The following RUBCN variants were observed in gnomAD, a reference collection of about 807,000 sequenced individuals.
RUBCN encodes run domain Beclin-1-interacting and cysteine-rich domain-containing protein.
A neutral mutation model predicts 113.2 loss-of-function variants in RUBCN; 74 were observed. The observed-to-expected ratio is 0.65, with a 90% CI of 0.54 to 0.79. The LOEUF (loss-of-function observed/expected upper bound fraction) is 0.79. RUBCN is among the 30% of genes least tolerant of loss of function. The pLI is 0.00. For synonymous variants in RUBCN, 480 were observed against 490.0 expected, an observed-to-expected ratio of 0.98 and a Z score of 0.27; for missense variants, 1,109 against 1,251.7, an observed-to-expected ratio of 0.89 and a Z score of 1.72.
chr3:197,731,462 T>C (rs1047210883), intron 1 of RUBCN, among the ~76,000 whole-genome samples: 23 of 152,364 alleles, frequency 1.5e-4, no homozygotes, highest in African/African-American at 3.8e-4. Context: ...GTTTCTATTC[T>C]ACAAAACCGC....
intron 2 of RUBCN, among the ~76,000 whole-genome samples, chr3:197,713,940 G>A (rs1420273320): frequency 6.6e-6 from 1 of 151,982 alleles, no homozygotes; most frequent in Non-Finnish European, 1.5e-5. Context: ...AGCCGGGCGT[G>A]GTGGCGGGCG....
intron 1 of RUBCN, among the ~76,000 whole-genome samples, chr3:197,742,670 A>C (rs1245104101): frequency 2.6e-5 from 4 of 152,298 alleles, no homozygotes; most frequent in Admixed American, 1.3e-4. Flanking sequence ...GCTGTGCTTT[A>C]GTTAGTCTCC....
chr3:197,703,514 A>G, intron 5 of RUBCN, 34 bp downstream of exon 5: 1 of 1,415,100 alleles, frequency 7.1e-7, no homozygotes, highest in Non-Finnish European at 9.9e-7. Flanking sequence ...CCAGGGACCC[A>G]GCATAGACGT....
At chr3:197,735,681 T>G (rs2109013266) in intron 1 of RUBCN, among the ~76,000 whole-genome samples, 1 of 152,176 alleles carries the variant, frequency 6.6e-6, no homozygotes, top group East Asian at 1.9e-4. Context: ...AGCCTCGACT[T>G]ATTGGACTCA....
In RUBCN at chr3:197,670,134, G is replaced by A. The variant is rs911148743; in HGVS notation, c.*4884C>T. Reference sequence around the variant, plus strand: ...AATCTCTTGACCTCGTGATCCGCCCGCCTCGGCCTCCCAAAGTGCTGGGAT... The same window carrying A: ...AATCTCTTGACCTCGTGATCCGCCCACCTCGGCCTCCCAAAGTGCTGGGAT... On this transcript the variant is annotated 3_prime_UTR_variant, in exon 20 of 20. Coordinates refer to ENST00000296343, the MANE Select transcript of RUBCN (RefSeq NM_014687.4). 2.0e-5 allele frequency among the ~76,000 whole-genome samples: 3 copies of A among 152,130 alleles called. No individual in the cohort carries two copies. The highest frequency in any genetic ancestry group is 2.4e-5 in the African/African-American group (1 of 41,424).
intron 18 of RUBCN, chr3:197,676,322 G>A (rs1720411735): frequency 2.0e-6 from 2 of 1,001,264 alleles, no homozygotes; most frequent in South Asian, 4.3e-5. Flanking sequence ...CTCACATCAT[G>A]ACAACTGCCT....
At chr3:197,702,318 C>T (rs1414768397) in intron 5 of RUBCN, among the ~76,000 whole-genome samples, 1 of 152,230 alleles carries the variant, frequency 6.6e-6, no homozygotes, top group Non-Finnish European at 1.5e-5. Flanking sequence ...ATACATAGCA[C>T]CGTGCCTGGC....
intron 14 of RUBCN, 62 bp downstream of exon 14, chr3:197,682,408 A>G: frequency 1.7e-5 from 27 of 1,603,548 alleles, no homozygotes; most frequent in Non-Finnish European, 2.3e-5. Context: ...GTGAGACGAA[A>G]ACCCTGACAA....
chr3:197,722,998 T>C (rs1206947490), intron 1 of RUBCN, among the ~76,000 whole-genome samples: 1 of 152,124 alleles, frequency 6.6e-6, no homozygotes, highest in East Asian at 1.9e-4. Flanking sequence ...TTACTTGTTT[T>C]CTAGTTTTTT....
intron 2 of RUBCN, among the ~76,000 whole-genome samples, chr3:197,708,999 C>T (rs1408563016): frequency 6.6e-6 from 1 of 152,096 alleles, no homozygotes; most frequent in African/African-American, 2.4e-5. Context: ...GAAATTGAAA[C>T]TGGAAATTCT....
Position 197,705,164 on chromosome 3 carries a change from G to A in RUBCN, c.231C>T (p.Arg77=), listed in dbSNP as rs757562260. 12 of 1,614,060 alleles carry A rather than the reference G, an allele frequency of 7.4e-6. No homozygotes were observed. In the South Asian group the frequency reaches 1.2e-4, roughly 16 times the overall value. ...HGLIRDQACR[R]QTDYWQFVKD... is the part of the protein sequence containing the mutation. ...TCACGAACTGCCAGTAATCCGTCTGGCGGCGGCACGCCTGCAAAGGGAACA... is the reference window on the plus strand; with the variant it reads ...TCACGAACTGCCAGTAATCCGTCTGACGGCGGCACGCCTGCAAAGGGAACA... The change falls in exon 3 of 20, where the codon CGC becomes CGT. Residue 77 remains arginine (R), a synonymous_variant. Coordinates refer to ENST00000296343, the MANE Select transcript of RUBCN (RefSeq NM_014687.4).
At chr3:197,720,671 T>C (rs1292780219) in intron 1 of RUBCN, among the ~76,000 whole-genome samples, 1 of 152,140 alleles carries the variant, frequency 6.6e-6, no homozygotes, top group African/African-American at 2.4e-5. Flanking sequence ...CCTCCCAAAG[T>C]GCTGGGATTA....
Position 197,736,899 on chromosome 3 carries a change from G to T in RUBCN, c.-180C>A, listed in dbSNP as rs943962175. The T allele has an allele frequency of 9.5e-6, 13 of 1,363,618 alleles. No homozygotes were observed. In the East Asian group the frequency reaches 3.0e-4, roughly 32 times the overall value. 84.5% of individuals were successfully genotyped at this position (1,363,618 alleles called of 1,614,324 possible). A position where few individuals can be genotyped will look rare whatever the true frequency, so the allele number is the denominator to read the frequency against. ...CCGCCTGGGCTGCGGCTTCTATCCC[G>T]GCCACCCCCACTTCCGGCTCCGGGG... On this transcript the variant is annotated 5_prime_UTR_variant, in exon 1 of 20. Transcript: ENST00000296343.
At chr3:197,702,523 C>T (rs865874634) in intron 5 of RUBCN, among the ~76,000 whole-genome samples, 18 of 152,084 alleles carry the variant, frequency 1.2e-4, no homozygotes, top group Middle Eastern at 3.4e-3. Context: ...ATTAGCTGGG[C>T]GTGGTGGCGT....
intron 2 of RUBCN, among the ~76,000 whole-genome samples, chr3:197,706,935 C>T (rs1277424599): frequency 1.3e-5 from 2 of 152,130 alleles, no homozygotes; most frequent in Non-Finnish European, 2.9e-5. Flanking sequence ...GGTGGTAGTG[C>T]GGCAGGGACT....
rs374519083 is a variant in RUBCN at position 197,669,853 on chromosome 3, A to G, written c.*5165T>C. Among the ~76,000 whole-genome samples, 3 of 152,308 alleles carry G rather than the reference A, an allele frequency of 2.0e-5. No homozygotes were observed. Among genetic ancestry groups the G allele is most frequent in the South Asian group, 4.1e-4 (2 of 4,826 alleles). On this transcript the variant is annotated 3_prime_UTR_variant, in exon 20 of 20. Coordinates refer to ENST00000296343, the MANE Select transcript of RUBCN (RefSeq NM_014687.4). Reference sequence around the variant, plus strand: ...TTTTTCTAACTTCTTCTCACATAACATTGTATTACAAGACTTTTTCCCCAT... The same window carrying G: ...TTTTTCTAACTTCTTCTCACATAACGTTGTATTACAAGACTTTTTCCCCAT...
chr3:197,728,403 A>G (rs115580992), intron 1 of RUBCN, among the ~76,000 whole-genome samples: 1 of 152,324 alleles, frequency 6.6e-6, no homozygotes, highest in African/African-American at 2.4e-5. Context: ...AAATCATGTG[A>G]TCATCCTGCT....
chr3:197,703,249 A>G (rs1723882376), intron 5 of RUBCN, among the ~76,000 whole-genome samples: 1 of 151,304 alleles, frequency 6.6e-6, no homozygotes, highest in Admixed American at 6.6e-5. Context: ...ATACAAAAAA[A>G]TAGCTGGGTG....
rs28375239 is a variant in RUBCN, at chr3:197,707,519, T to C, written c.220-2344A>G. 8.0e-3 allele frequency among the ~76,000 whole-genome samples: 1,222 copies of C among 152,236 alleles called. 12 individuals carry two copies. Among genetic ancestry groups the C allele is most frequent in the African/African-American group, 0.028 (1,156 of 41,548 alleles). On this transcript the variant is annotated intron_variant, in intron 2 of 19. Coordinates refer to ENST00000296343, the MANE Select transcript of RUBCN (RefSeq NM_014687.4). ...CAATTTAGGCATTCTCCTCAAATCA[T>C]AGAAAATAAATATGATTTATTTTAT...
Sources: gnomAD v4.1 joint callset for allele counts (sites outside exome capture counted in the v4.1 genomes callset) on GRCh38, gnomAD v4.1.1 for gene constraint, MANE v1.5 for transcripts, NCBI Gene and HGNC (gene_info 2026-07-23, HGNC 2026-07-21) for gene names.